BCO1: variants seen among roughly 807,000 people sequenced by gnomAD.
The protein encoded by BCO1 is beta-carotene oxygenase 1.
BCO1 carries 54 observed loss-of-function variants against 56.3 expected under a neutral mutation model. The ratio of observed to expected loss-of-function variants is 0.96; its 90% confidence interval spans 0.77 to 1.20. The LOEUF (loss-of-function observed/expected upper bound fraction) is 1.20, where lower values mean the gene tolerates loss of function less well. Among genes scored for constraint, BCO1 ranks in the 50% most tolerant of loss-of-function variants. The pLI is 0.00. For missense variants in BCO1, 801 were observed against 690.9 expected (o/e 1.16, Z -1.79); for synonymous variants, 318 against 266.1 (o/e 1.20, Z -1.90).
chr16:81,280,054 G>T (rs1002940844), intron 7 of BCO1, among the ~76,000 whole-genome samples: 2 of 151,696 alleles, frequency 1.3e-5, no homozygotes, highest in Admixed American at 1.3e-4. Context: ...CTTGAGGTCA[G>T]GAGTTCAAGA....
chr16:81,254,036 G>T, intron 2 of BCO1, among the ~76,000 whole-genome samples: 1 of 152,134 alleles, frequency 6.6e-6, no homozygotes, highest in Non-Finnish European at 1.5e-5. Context: ...TTGCATAAAG[G>T]CTAGATGATT....
At chr16:81,251,284 G>A (rs563409456) in intron 2 of BCO1, among the ~76,000 whole-genome samples, 6 of 152,164 alleles carry the variant, frequency 3.9e-5, no homozygotes, top group Admixed American at 2.6e-4. Flanking sequence ...AGGGACCAGA[G>A]GTTGTGGTTC....
chr16:81,290,325 GT>G (rs760407676), intron 10 of BCO1, 22 bp from the exon 11 acceptor site: 6 of 1,584,070 alleles, frequency 3.8e-6, no homozygotes, highest in African/African-American at 1.3e-5. Context: ...TTTACGAAGT[GT>G]TTTTTTTCTG....
rs766662649 is a variant in BCO1 at position 81,280,961 on chromosome 16, A to G, written c.1206A>G (p.Glu402=). 2 of 1,608,542 alleles carry G rather than the reference A, an allele frequency of 1.2e-6. No homozygotes were observed. Among genetic ancestry groups the G allele is most frequent in the Non-Finnish European group, 1.7e-6 (2 of 1,175,038 alleles). ...ACTGCCAGCCGGAATTTCTTTATGA[A>G]GGTAAAATGCATCCTCTTGTCCTGA... ...QVYCQPEFLY[E]GLELPRVNYA... is the part of the protein sequence containing the mutation. Residue 402 remains glutamate (E), a splice_region_variant and synonymous_variant, in exon 8 of 11, where the codon GAA becomes GAG. Transcript: ENST00000258168.
intron 8 of BCO1, 128 bp from the exon 9 acceptor site, chr16:81,285,412 C>T (rs950563338): frequency 1.3e-6 from 1 of 749,638 alleles, no homozygotes; most frequent in East Asian, 2.6e-5. Flanking sequence ...AATGCAGGCT[C>T]TAAATCAAGC....
chr16:81,289,450 T>C (rs1158946144), intron 10 of BCO1, among the ~76,000 whole-genome samples: 1 of 152,054 alleles, frequency 6.6e-6, no homozygotes, highest in Non-Finnish European at 1.5e-5. Flanking sequence ...AAGACCAGCA[T>C]GGGCGATATA....
chr16:81,270,299 C>T lies in BCO1; in HGVS notation c.984C>T (p.Asp328=), dbSNP rs780044794. 35 of 1,614,058 alleles carry T rather than the reference C, an allele frequency of 2.2e-5. No homozygotes were observed. The highest frequency in any genetic ancestry group is 1.0e-4 in the Admixed American group (6 of 59,992). The change falls in exon 7 of 11, where the codon GAC becomes GAT. Residue 328 remains aspartate (D), a synonymous_variant. Transcript: ENST00000258168. The part of the protein sequence containing the change: ...CIVFDVIAYE[D]NSLYQLFYLA... ...TGTTTGACGTCATTGCCTACGAGGA[C>T]AACAGCCTCTACCAGCTCTTCTACC...
intron 7 of BCO1, 45 bp downstream of exon 7, chr16:81,270,461 G>A (rs375817194): frequency 2.3e-4 from 369 of 1,611,390 alleles, no homozygotes; most frequent in African/African-American, 2.1e-3. Context: ...GAGAGATATC[G>A]GCCCAGGTGG....
intron 1 of BCO1, among the ~76,000 whole-genome samples, chr16:81,243,657 CG>C (rs1332941122): frequency 6.6e-6 from 1 of 152,050 alleles, no homozygotes; most frequent in Non-Finnish European, 1.5e-5. Flanking sequence ...TTGGTGGAGG[CG>C]GGGTTTCACC....
At chr16:81,283,748 G>A (rs1161266152) in intron 8 of BCO1, among the ~76,000 whole-genome samples, 1 of 152,072 alleles carries the variant, frequency 6.6e-6, no homozygotes, top group African/African-American at 2.4e-5. Flanking sequence ...ATCCATGGAT[G>A]TATCTCTGCT....
intron 9 of BCO1, among the ~76,000 whole-genome samples, chr16:81,286,064 T>C (rs1358750315): frequency 1.3e-5 from 2 of 150,610 alleles, no homozygotes; most frequent in African/African-American, 4.9e-5. Context: ...AAAAAAAAAA[T>C]ACAGAAAGAG....
intron 1 of BCO1, among the ~76,000 whole-genome samples, chr16:81,241,270 A>C (rs1046340569): frequency 1.3e-5 from 2 of 152,042 alleles, no homozygotes; most frequent in African/African-American, 4.8e-5. Flanking sequence ...CCAAGATCGC[A>C]CCACTGTACT....
rs1597367350 is a variant in BCO1, at chr16:81,271,622, T to G, written c.1101+1206T>G. 2.0e-5 allele frequency among the ~76,000 whole-genome samples: 3 copies of G among 152,304 alleles called. 1 individual carries two copies. In the South Asian group the frequency reaches 6.2e-4, roughly 32 times the overall value. ...AGACTTGCCCTTTCTAGACATCACGTATAAATGGAGTCTTACAATACGTGA... is the reference window on the plus strand; with the variant it reads ...AGACTTGCCCTTTCTAGACATCACGGATAAATGGAGTCTTACAATACGTGA... On this transcript the variant is annotated intron_variant, in intron 7 of 10. Transcript: ENST00000258168.
intron 5 of BCO1, among the ~76,000 whole-genome samples, chr16:81,267,531 T>G (rs1274354441): frequency 6.6e-6 from 1 of 152,194 alleles, no homozygotes; most frequent in Non-Finnish European, 1.5e-5. Flanking sequence ...GAGAATTGCT[T>G]GAACCTGGGA....
At position 81,238,870 on chromosome 16, in the gene BCO1, G is replaced by T. The variant is rs1196181427; in HGVS notation, c.-39G>T. The T allele has an allele frequency of 6.3e-7, 1 of 1,586,254 alleles. No homozygotes were observed. Among genetic ancestry groups the T allele is most frequent in the Admixed American group, 1.7e-5 (1 of 59,950 alleles). ...CTCCTGTGAACACAGAGGAGCACCT[G>T]TTTGCTGTTAAAATCGATCTCCCTC... On this transcript the variant is annotated 5_prime_UTR_variant, in exon 1 of 11. Coordinates refer to ENST00000258168, the MANE Select transcript of BCO1 (RefSeq NM_017429.3).
rs772768529 is a variant in BCO1, at chr16:81,290,310, G to A, written c.1415-38G>A. On this transcript the variant is annotated intron_variant, in intron 10 of 10. Transcript: ENST00000258168. ...AAATTCATCCCTCCGACTGAAGCCTGCACTTTTACGAAGTGTTTTTTTTCT... is the reference window on the plus strand; with the variant it reads ...AAATTCATCCCTCCGACTGAAGCCTACACTTTTACGAAGTGTTTTTTTTCT... 12 of 1,536,148 alleles carry A rather than the reference G, an allele frequency of 7.8e-6. No homozygotes were observed. The African/African-American group carries it at 1.5e-4, about 19-fold the overall frequency.
At chr16:81,253,822 G>T (rs1905958473) in intron 2 of BCO1, among the ~76,000 whole-genome samples, 1 of 152,116 alleles carries the variant, frequency 6.6e-6, no homozygotes. Flanking sequence ...AATTAGCCAG[G>T]CATGGTAGCA....
At chr16:81,246,271 G>A (rs1274690887) in intron 2 of BCO1, among the ~76,000 whole-genome samples, 4 of 151,900 alleles carry the variant, frequency 2.6e-5, no homozygotes, top group Admixed American at 2.6e-4. Flanking sequence ...AATCCACTCA[G>A]ATAATCCCTA....
chr16:81,285,431 C>A, intron 8 of BCO1, 109 bp from the exon 9 acceptor site: 1 of 822,234 alleles, frequency 1.2e-6, no homozygotes. Flanking sequence ...GCTCAAGGAT[C>A]TTGGTGTGGA....
Sources: gnomAD v4.1 joint callset for allele counts (sites outside exome capture counted in the v4.1 genomes callset) on GRCh38, gnomAD v4.1.1 for gene constraint, MANE v1.5 for transcripts, NCBI Gene and HGNC (gene_info 2026-07-23, HGNC 2026-07-21) for gene names.